The following MRC1 variants were observed in gnomAD, a reference collection of about 807,000 sequenced individuals.
The protein encoded by MRC1 is macrophage mannose receptor 1.
Under a neutral mutation model 102.9 loss-of-function variants are expected in MRC1, and 62 were observed. The observed-to-expected ratio is 0.60, with a 90% CI of 0.49 to 0.74. MRC1 has a LOEUF of 0.74. Among genes scored for constraint, MRC1 ranks in the 30% least tolerant of loss-of-function variants. The probability of loss-of-function intolerance (pLI) is 0.00; values close to 1 mark genes in which losing one functional copy is unlikely to be tolerated. For synonymous variants in MRC1, 457 were observed against 298.4 expected (o/e 1.53, Z -5.48); for missense variants, 1,237 against 862.8 (o/e 1.43, Z -5.43).
intron 1 of MRC1, among the ~76,000 whole-genome samples, chr10:17,815,983 T>C (rs1838305159): frequency 6.6e-6 from 1 of 152,028 alleles, no homozygotes; most frequent in Non-Finnish European, 1.5e-5. Context: ...TGCGACCACA[T>C]AGGCTAATTT....
chr10:17,854,506 G>A (rs1833048708), intron 8 of MRC1, among the ~76,000 whole-genome samples: 1 of 152,068 alleles, frequency 6.6e-6, no homozygotes, highest in African/African-American at 2.4e-5. Context: ...AAATCATGAA[G>A]TCAGAGCCGG....
At chr10:17,891,066 C>T (rs1259716706) in intron 22 of MRC1, among the ~76,000 whole-genome samples, 1 of 151,690 alleles carries the variant, frequency 6.6e-6, no homozygotes, top group Non-Finnish European at 1.5e-5. Context: ...ATGGGACCAT[C>T]TAGTTGCAGG....
chr10:17,889,540 A>G (rs1395189331), intron 22 of MRC1, among the ~76,000 whole-genome samples: 6 of 152,220 alleles, frequency 3.9e-5, no homozygotes, highest in Non-Finnish European at 8.8e-5. Context: ...TACTGGGATT[A>G]CAGGCATGAG....
intron 6 of MRC1, among the ~76,000 whole-genome samples, chr10:17,847,039 G>A (rs1838836163): frequency 6.6e-6 from 1 of 152,198 alleles, no homozygotes; most frequent in Non-Finnish European, 1.5e-5. Flanking sequence ...GCGGGACCTG[G>A]ATGTTGGGTT....
intron 4 of MRC1, among the ~76,000 whole-genome samples, chr10:17,838,643 T>C (rs1251020593): frequency 6.6e-6 from 1 of 152,122 alleles, no homozygotes; most frequent in Non-Finnish European, 1.5e-5. Context: ...AGTTGGTATA[T>C]AACCATTTCA....
intron 1 of MRC1, among the ~76,000 whole-genome samples, chr10:17,813,051 A>G (rs1395689596): frequency 6.6e-6 from 1 of 152,150 alleles, no homozygotes; most frequent in Non-Finnish European, 1.5e-5. Flanking sequence ...TAGACCATTA[A>G]AGCAAGAACA....
intron 4 of MRC1, among the ~76,000 whole-genome samples, chr10:17,839,314 T>G (rs1838715748): frequency 1.3e-5 from 2 of 152,224 alleles, no homozygotes; most frequent in Non-Finnish European, 2.9e-5. Flanking sequence ...GCGAATTATT[T>G]ATAATTTTTA....
chr10:17,876,741 T>C (rs1259929879), intron 17 of MRC1, among the ~76,000 whole-genome samples: 2 of 152,210 alleles, frequency 1.3e-5, no homozygotes, highest in African/African-American at 4.8e-5. Context: ...CCCAAATTGT[T>C]AGCTATATAA....
intron 3 of MRC1, among the ~76,000 whole-genome samples, chr10:17,829,067 C>G (rs1332553838): frequency 6.6e-6 from 1 of 151,472 alleles, no homozygotes; most frequent in Non-Finnish European, 1.5e-5. Flanking sequence ...CTCTTGTTTC[C>G]TGGTTATCAC....
intron 26 of MRC1, among the ~76,000 whole-genome samples, chr10:17,904,590 A>G (rs1434101612): frequency 6.6e-6 from 1 of 152,160 alleles, no homozygotes; most frequent in Non-Finnish European, 1.5e-5. Context: ...TAGATGTGGT[A>G]GGTGCAGATT....
Position 17,870,328 on chromosome 10 carries a change from G to T in MRC1, c.2066G>T (p.Ser689Ile). ...CGAGCTCTGGGTGGAGACTTAGCTA[G>T]CATCAATAACAAAGAGGAACAGCAA... ...FCRALGGDLA[S>I]INNKEEQQTI... Residue 689 changes from serine to isoleucine, a missense_variant, in exon 13 of 30, where the codon AGC becomes ATC. Ser to Ile is a moderately radical substitution (Grantham distance 142, BLOSUM62 -2). Transcript: ENST00000569591. The T allele has an allele frequency of 1.3e-6, 1 of 780,474 alleles. No individual in the cohort carries two copies. The highest frequency in any genetic ancestry group is 2.4e-6 in the Non-Finnish European group (1 of 417,712). 48.3% of individuals were successfully genotyped at this position (780,474 alleles called of 1,614,324 possible). A position where few individuals can be genotyped will look rare whatever the true frequency, so the allele number is the denominator to read the frequency against.
intron 8 of MRC1, chr10:17,854,654 G>C (rs1833051233): frequency 5.7e-6 from 1 of 175,666 alleles, no homozygotes. Flanking sequence ...TAGGATATGA[G>C]GAGTTAAAGA....
Position 17,898,144 on chromosome 10 carries a change from A to G in MRC1, c.3361A>G (p.Thr1121Ala). ...AAAATTTCAATGGCATGAAGCGGAG[A>G]CATACTGCAAGCTTCACAATTCCCT... ...RQKFQWHEAE[T>A]YCKLHNSLIA... The change falls in exon 24 of 30, where the codon ACA becomes GCA. Residue 1121 changes from threonine to alanine, a missense_variant. Transcript: ENST00000569591. The G allele has an allele frequency of 1.3e-6, 1 of 780,862 alleles. No individual in the cohort carries two copies. The highest frequency in any genetic ancestry group is 2.4e-6 in the Non-Finnish European group (1 of 417,958). 48.4% of individuals were successfully genotyped at this position (780,862 alleles called of 1,614,324 possible). A position where few individuals can be genotyped will look rare whatever the true frequency, so the allele number is the denominator to read the frequency against.
chr10:17,910,262 G>T lies in MRC1; in HGVS notation c.4168G>T (p.Gly1390Ter), dbSNP rs1476545729. ...DPSKPSSNVA[G>*]VVIIVILLIL... Reference sequence around the variant, plus strand: ...TTCTAAACCGTCTTCCAACGTGGCCGGAGTAGTCATCATTGTGATCCTCCT... The same window carrying T: ...TTCTAAACCGTCTTCCAACGTGGCCTGAGTAGTCATCATTGTGATCCTCCT... Residue 1390 changes from glycine to a stop codon, truncating the protein, a stop_gained, in exon 30 of 30, where the codon GGA becomes TGA. Coordinates refer to ENST00000569591, the MANE Select transcript of MRC1 (RefSeq NM_002438.4). LOFTEE classifies it low-confidence loss of function (END_TRUNC). 1.3e-6 allele frequency: 1 copy of T among 780,848 alleles called. No individual in the cohort carries two copies. Among genetic ancestry groups the T allele is most frequent in the East Asian group, 2.4e-5 (1 of 41,254 alleles). 48.4% of individuals were successfully genotyped at this position (780,848 alleles called of 1,614,324 possible). A position where few individuals can be genotyped will look rare whatever the true frequency, so the allele number is the denominator to read the frequency against.
At chr10:17,839,832 G>A (rs1265240040) in intron 4 of MRC1, among the ~76,000 whole-genome samples, 1 of 151,784 alleles carries the variant, frequency 6.6e-6, no homozygotes, top group Non-Finnish European at 1.5e-5. Context: ...TCTGAGGTGG[G>A]CGGATCACCT....
intron 1 of MRC1, 120 bp from the exon 2 acceptor site, chr10:17,822,954 A>G: frequency 1.4e-6 from 1 of 695,902 alleles, no homozygotes; most frequent in Non-Finnish European, 2.6e-6. Flanking sequence ...CTGCAATCTT[A>G]AGTCTTTAGG....
chr10:17,865,214 A>G (rs692543), intron 11 of MRC1, among the ~76,000 whole-genome samples: 117,554 of 152,132 alleles, frequency 0.77, 45,528 homozygotes, highest in East Asian at 0.86. Flanking sequence ...CCTAATCTTC[A>G]GTGTTCTGTA....
intron 25 of MRC1, among the ~76,000 whole-genome samples, chr10:17,901,163 T>A (rs1833823840): frequency 6.6e-6 from 1 of 152,190 alleles, no homozygotes; most frequent in Admixed American, 6.5e-5. Context: ...AAATTTTGCT[T>A]ACTTTTGATG....
chr10:17,877,922 C>T lies in MRC1; in HGVS notation c.2573C>T (p.Ser858Phe), dbSNP rs923185690. The change falls in exon 18 of 30, where the codon TCT becomes TTT. Residue 858 changes from serine to phenylalanine, a missense_variant. Coordinates refer to ENST00000569591, the MANE Select transcript of MRC1 (RefSeq NM_002438.4). ...CAGGTAAACAGAAATGATGCACAGT[C>T]TGCATATTTTATTGGTTTATTGATC... ...WKYVNRNDAQ[S>F]AYFIGLLISL... The T allele has an allele frequency of 1.1e-6, 1 of 872,072 alleles. No homozygotes were observed. Among genetic ancestry groups the T allele is most frequent in the African/African-American group, 1.6e-5 (1 of 61,366 alleles). 54.0% of individuals were successfully genotyped at this position (872,072 alleles called of 1,614,324 possible). A position where few individuals can be genotyped will look rare whatever the true frequency, so the allele number is the denominator to read the frequency against.
Sources: allele counts gnomAD v4.1 joint callset (sites outside exome capture counted in the v4.1 genomes callset), GRCh38; gene constraint gnomAD v4.1.1; transcripts MANE v1.5; gene names NCBI Gene and HGNC (gene_info 2026-07-23, HGNC 2026-07-21).